The following PRTG variants were observed in gnomAD, a reference collection of about 807,000 sequenced individuals.
The protein encoded by PRTG is immunoglobulin superfamily, DCC subclass, member 5.
Under a neutral mutation model 122.5 loss-of-function variants are expected in PRTG, and 67 were observed. The ratio of observed to expected loss-of-function variants is 0.55; its 90% confidence interval spans 0.45 to 0.67. The LOEUF (loss-of-function observed/expected upper bound fraction) is 0.67. PRTG is among the 30% of genes least tolerant of loss of function. The pLI is 0.00. For missense variants in PRTG, 1,435 were observed against 1,415.4 expected, an observed-to-expected ratio of 1.01 and a Z score of -0.22; for synonymous variants, 554 against 501.1, an observed-to-expected ratio of 1.11 and a Z score of -1.41.
intron 2 of PRTG, among the ~76,000 whole-genome samples, chr15:55,721,448 A>C (rs2030819192): frequency 6.6e-6 from 1 of 152,206 alleles, no homozygotes; most frequent in Non-Finnish European, 1.5e-5. Context: ...TACATCTCCA[A>C]TTCCATGTTG....
chr15:55,652,537 T>C (rs1567084291), intron 11 of PRTG, among the ~76,000 whole-genome samples: 1 of 151,874 alleles, frequency 6.6e-6, no homozygotes, highest in Non-Finnish European at 1.5e-5. Flanking sequence ...TTCGACACAA[T>C]ACCCCCCATA....
rs779202373 is a variant in PRTG, at chr15:55,680,595, A to G, written c.710T>C (p.Ile237Thr). Residue 237 changes from isoleucine to threonine, a missense_variant, in exon 5 of 20, where the codon ATT becomes ACT. Transcript: ENST00000389286. ...TGTTATGTTCTGTGGACCTGCTATAATTGTTGGTGTGTGGAAGGATTTTGA... is the reference window on the plus strand; with the variant it reads ...TGTTATGTTCTGTGGACCTGCTATAGTTGTTGGTGTGTGGAAGGATTTTGA... ...KESKSFHTPT[I>T]IAGPQNITTS... 6.4e-7 allele frequency: 1 copy of G among 1,570,782 alleles called. No homozygotes were observed. The highest frequency in any genetic ancestry group is 8.6e-7 in the Non-Finnish European group (1 of 1,156,334).
chr15:55,639,591 G>T (rs573243662), intron 13 of PRTG, 51 bp downstream of exon 13: 1 of 1,502,038 alleles, frequency 6.7e-7, no homozygotes, highest in Admixed American at 1.7e-5. Flanking sequence ...AGTTGGAGTG[G>T]GGGTGTGGTG....
chr15:55,671,100 A>G (rs2059468203), intron 11 of PRTG, among the ~76,000 whole-genome samples: 1 of 152,236 alleles, frequency 6.6e-6, no homozygotes, highest in South Asian at 2.1e-4. Flanking sequence ...GCATAGAACC[A>G]CAGGATGAAG....
chr15:55,671,525 C>T (rs992051417), intron 11 of PRTG, among the ~76,000 whole-genome samples: 4 of 152,034 alleles, frequency 2.6e-5, no homozygotes, highest in Non-Finnish European at 1.5e-5. Context: ...GACAGAATCT[C>T]GCACTGTCGC....
intron 16 of PRTG, 147 bp from the exon 17 acceptor site, chr15:55,627,275 A>G: frequency 2.2e-6 from 1 of 451,278 alleles, no homozygotes; most frequent in African/African-American, 2.0e-5. Flanking sequence ...AAGGACACAC[A>G]GTAATCTTTA....
chr15:55,647,485 C>T (rs1166378416), intron 11 of PRTG, among the ~76,000 whole-genome samples: 1 of 152,190 alleles, frequency 6.6e-6, no homozygotes, highest in African/African-American at 2.4e-5. Flanking sequence ...TTATTTACCC[C>T]TAACAGTTGT....
intron 2 of PRTG, among the ~76,000 whole-genome samples, chr15:55,692,792 TA>T (rs1482530307): frequency 6.8e-6 from 1 of 146,882 alleles, no homozygotes; most frequent in Non-Finnish European, 1.5e-5. Flanking sequence ...AACAGCAGCC[TA>T]AAAAAACAGT....
intron 11 of PRTG, among the ~76,000 whole-genome samples, chr15:55,654,833 A>T (rs1387911319): frequency 6.6e-6 from 1 of 152,186 alleles, no homozygotes; most frequent in Non-Finnish European, 1.5e-5. Context: ...TTGCCATGCC[A>T]TTTTGACCCT....
At chr15:55,690,662 T>A (rs911630337) in intron 2 of PRTG, among the ~76,000 whole-genome samples, 8 of 151,880 alleles carry the variant, frequency 5.3e-5, no homozygotes, top group African/African-American at 1.7e-4. Flanking sequence ...TAAAAAAAAA[T>A]GTGAAATCTG....
At chr15:55,683,529 C>A (rs2059553019) in intron 3 of PRTG, among the ~76,000 whole-genome samples, 1 of 152,120 alleles carries the variant, frequency 6.6e-6, no homozygotes, top group South Asian at 2.1e-4. Context: ...TCCAGATAGT[C>A]ATGGTTAGAA....
intron 15 of PRTG, among the ~76,000 whole-genome samples, chr15:55,634,212 C>A (rs779595922): frequency 6.6e-6 from 1 of 151,590 alleles, no homozygotes; most frequent in African/African-American, 2.4e-5. Flanking sequence ...GGATTACAGG[C>A]GCCTGCCACC....
At chr15:55,624,287 C>T in intron 18 of PRTG, 55 bp downstream of exon 18, 1 of 1,533,124 alleles carries the variant, frequency 6.5e-7, no homozygotes, top group Non-Finnish European at 8.9e-7. Context: ...ATTTTACACA[C>T]ACAGGGAGGA....
intron 11 of PRTG, among the ~76,000 whole-genome samples, chr15:55,651,936 G>A (rs1402478704): frequency 2.0e-5 from 3 of 152,092 alleles, no homozygotes; most frequent in Admixed American, 2.0e-4. Flanking sequence ...TTCTCAAGTA[G>A]GGGGAAAAAA....
chr15:55,710,977 G>A (rs2030359652), intron 2 of PRTG, among the ~76,000 whole-genome samples: 1 of 151,886 alleles, frequency 6.6e-6, no homozygotes, highest in African/African-American at 2.4e-5. Context: ...CATGATCTCA[G>A]CTCACTGCAA....
intron 2 of PRTG, among the ~76,000 whole-genome samples, chr15:55,700,659 C>G (rs992391682): frequency 6.6e-6 from 1 of 151,918 alleles, no homozygotes; most frequent in Non-Finnish European, 1.5e-5. Flanking sequence ...TGTGTGCCTG[C>G]GCTCCCAGAT....
rs1394173325 is a variant in PRTG, at chr15:55,624,501, T to C, written c.2934A>G (p.Ser978=). 6.2e-7 allele frequency: 1 copy of C among 1,609,856 alleles called. No homozygotes were observed. Among genetic ancestry groups the C allele is most frequent in the Admixed American group, 1.7e-5 (1 of 59,432 alleles). ...ILIYRSKARK[S]SASKTAQNGT... ...CATTCTGTGCCGTCTTGGAAGCAGA[T>C]GATTTCCTAAAACATTGGCAAGAAG... Residue 978 remains serine (S), a synonymous_variant, in exon 18 of 20, where the codon TCA becomes TCG. Coordinates refer to ENST00000389286, the MANE Select transcript of PRTG (RefSeq NM_173814.6).
At chr15:55,635,071 C>CTCTGTG (rs1555429863) in intron 15 of PRTG, among the ~76,000 whole-genome samples, 2 of 31,580 alleles carry the variant, frequency 6.3e-5, no homozygotes, top group African/African-American at 3.4e-4. Context: ...GTTGTTGGTT[C>CTCTGTG]TGGGTGTGTG....
rs199738101 is a variant in PRTG at position 55,664,445 on chromosome 15, G to C, written c.2041+8000C>G. On this transcript the variant is annotated intron_variant, in intron 11 of 19. Coordinates refer to ENST00000389286, the MANE Select transcript of PRTG (RefSeq NM_173814.6). The stretch of plus-strand genomic sequence containing the variant: ...GGCGTGAGCCACTGCGCCTGGCCAA[G>C]ATGAATAAACTTTAATATAAAAATT... Among the ~76,000 whole-genome samples, 6 of 151,884 alleles carry C rather than the reference G, an allele frequency of 4.0e-5. No individual in the cohort carries two copies. The East Asian group carries it at 1.2e-3, about 30-fold the overall frequency.
Sources: allele counts gnomAD v4.1 joint callset (sites outside exome capture counted in the v4.1 genomes callset), GRCh38; gene constraint gnomAD v4.1.1; transcripts MANE v1.5; gene names NCBI Gene and HGNC (gene_info 2026-07-23, HGNC 2026-07-21).